Variants in AKT3 observed in about 807,000 individuals in gnomAD.
The protein encoded by AKT3 is RAC-gamma serine/threonine-protein kinase.
AKT3 carries 15 observed loss-of-function variants against 65.3 expected under a neutral mutation model. That is an observed-to-expected ratio of 0.23 (90% CI 0.15 to 0.35). The LOEUF is 0.35. Among genes scored for constraint, AKT3 ranks in the 10% least tolerant of loss-of-function variants. The pLI is 1.00. For missense variants in AKT3, 243 were observed against 576.5 expected, an observed-to-expected ratio of 0.42 and a Z score of 5.92; for synonymous variants, 206 against 183.8, an observed-to-expected ratio of 1.12 and a Z score of -0.98.
intron 2 of AKT3, among the ~76,000 whole-genome samples, chr1:243,738,974 T>A (rs1051356027): frequency 6.6e-6 from 1 of 152,200 alleles, no homozygotes; most frequent in Non-Finnish European, 1.5e-5. Context: ...TCCTTCTTTA[T>A]AACGAATTCA....
intron 12 of AKT3, among the ~76,000 whole-genome samples, chr1:243,533,526 T>G (rs1441346804): frequency 1.3e-5 from 2 of 152,214 alleles, no homozygotes; most frequent in African/African-American, 4.8e-5. Context: ...AAGTGTATAC[T>G]TCAAACTCAA....
At chr1:243,775,197 T>C (rs1690473767) in intron 2 of AKT3, among the ~76,000 whole-genome samples, 1 of 152,174 alleles carries the variant, frequency 6.6e-6, no homozygotes, top group South Asian at 2.1e-4. Context: ...TTTGTTTGTT[T>C]TGAGACAGAG....
intron 2 of AKT3, among the ~76,000 whole-genome samples, chr1:243,842,323 G>A (rs752165379): frequency 9.2e-5 from 14 of 152,140 alleles, no homozygotes; most frequent in Non-Finnish European, 1.9e-4. Flanking sequence ...AAAAGGTTCT[G>A]AGAATGGAAC....
At chr1:243,619,014 C>A (rs1449390122) in intron 6 of AKT3, among the ~76,000 whole-genome samples, 1 of 152,082 alleles carries the variant, frequency 6.6e-6, no homozygotes, top group African/African-American at 2.4e-5. Flanking sequence ...CACAAAACTG[C>A]CTCCCATCTT....
At chr1:243,560,923 A>G (rs1673731541) in intron 10 of AKT3, among the ~76,000 whole-genome samples, 1 of 152,060 alleles carries the variant, frequency 6.6e-6, no homozygotes, top group Non-Finnish European at 1.5e-5. Flanking sequence ...TCCATAGCAA[A>G]TTTATAGCAG....
intron 2 of AKT3, among the ~76,000 whole-genome samples, chr1:243,699,486 T>TATATATAC (rs2148037368): frequency 4.1e-5 from 1 of 24,246 alleles, no homozygotes; most frequent in South Asian, 1.1e-3. Context: ...TATATATATA[T>TATATATAC]ATATATATAT....
intron 6 of AKT3, among the ~76,000 whole-genome samples, chr1:243,636,881 A>G (rs1408673423): frequency 6.6e-6 from 1 of 152,174 alleles, no homozygotes; most frequent in African/African-American, 2.4e-5. Flanking sequence ...ACAGGGAAAC[A>G]AAGTTTCACA....
chr1:243,691,106 G>A (rs1684661235), intron 3 of AKT3, among the ~76,000 whole-genome samples: 1 of 152,136 alleles, frequency 6.6e-6, no homozygotes, highest in African/African-American at 2.4e-5. Context: ...ATAGGGATGG[G>A]AATTAAAATC....
At chr1:243,519,327 A>G (rs1670566788) in intron 12 of AKT3, among the ~76,000 whole-genome samples, 1 of 152,216 alleles carries the variant, frequency 6.6e-6, no homozygotes, top group African/African-American at 2.4e-5. Flanking sequence ...AGAACTTTCA[A>G]TGGAAATTTT....
chr1:243,627,266 G>A (rs1054454251), intron 6 of AKT3, among the ~76,000 whole-genome samples: 1 of 151,874 alleles, frequency 6.6e-6, no homozygotes, highest in African/African-American at 2.4e-5. Flanking sequence ...GGCCAAGGCA[G>A]GAGGATCACT....
rs541752726 is a variant in AKT3, at chr1:243,780,481, T to A, written c.46+62644A>T. On this transcript the variant is annotated intron_variant, in intron 2 of 13. Coordinates refer to ENST00000673466, the MANE Select transcript of AKT3 (RefSeq NM_005465.7). The stretch of plus-strand genomic sequence containing the variant: ...AAACATGCACTTAAGTATATAAGAC[T>A]AAAGGAGGCATCATGTCTCAAATTT... Among the ~76,000 whole-genome samples the A allele has an allele frequency of 2.0e-5, 3 of 151,736 alleles. No individual in the cohort carries two copies. In the South Asian group the frequency reaches 6.2e-4, roughly 31 times the overall value.
intron 3 of AKT3, among the ~76,000 whole-genome samples, chr1:243,666,842 A>G (rs1682817216): frequency 6.6e-6 from 1 of 152,244 alleles, no homozygotes; most frequent in African/African-American, 2.4e-5. Flanking sequence ...GTTTTGTAGT[A>G]AAGTATTGAA....
intron 2 of AKT3, among the ~76,000 whole-genome samples, chr1:243,751,943 C>G (rs1460173617): frequency 6.6e-6 from 1 of 152,004 alleles, no homozygotes; most frequent in Admixed American, 6.5e-5. Context: ...ACATTTATAC[C>G]CCACTCAACC....
intron 13 of AKT3, among the ~76,000 whole-genome samples, chr1:243,510,726 A>G (rs1669960712): frequency 6.6e-6 from 1 of 152,262 alleles, no homozygotes. Flanking sequence ...GACAGGGCCC[A>G]GATCAGTCAG....
intron 12 of AKT3, among the ~76,000 whole-genome samples, chr1:243,532,475 C>A (rs542311294): frequency 3.9e-5 from 6 of 152,274 alleles, no homozygotes; most frequent in African/African-American, 1.4e-4. Context: ...AATTTCTATA[C>A]GTTGAACATC....
chr1:243,638,183 A>G (rs988336034), intron 5 of AKT3, among the ~76,000 whole-genome samples: 9 of 152,306 alleles, frequency 5.9e-5, no homozygotes, highest in Admixed American at 4.6e-4. Flanking sequence ...CTAGCAAAAT[A>G]AAGATAAAAT....
intron 2 of AKT3, among the ~76,000 whole-genome samples, chr1:243,724,647 A>G (rs1237004469): frequency 6.6e-6 from 1 of 152,082 alleles, no homozygotes; most frequent in African/African-American, 2.4e-5. Flanking sequence ...TTCTAATTTC[A>G]TTTTCTGGAA....
At chr1:243,652,259 A>C (rs1681403985) in intron 4 of AKT3, among the ~76,000 whole-genome samples, 1 of 152,098 alleles carries the variant, frequency 6.6e-6, no homozygotes, top group African/African-American at 2.4e-5. Flanking sequence ...CATGTTGGCC[A>C]GGCTGATCTC....
chr1:243,539,307 A>G (rs1672137654), intron 12 of AKT3, among the ~76,000 whole-genome samples: 1 of 152,176 alleles, frequency 6.6e-6, no homozygotes, highest in South Asian at 2.1e-4. Context: ...AATAGTAAAT[A>G]TATTTCCTCT....
Sources: allele counts gnomAD v4.1 joint callset (sites outside exome capture counted in the v4.1 genomes callset), GRCh38; gene constraint gnomAD v4.1.1; transcripts MANE v1.5; gene names NCBI Gene and HGNC (gene_info 2026-07-23, HGNC 2026-07-21).